The following NPAS3 variants were observed in gnomAD, a reference collection of about 807,000 sequenced individuals.
NPAS3 encodes the protein neuronal PAS domain-containing protein 3.
A neutral mutation model predicts 73.1 loss-of-function variants in NPAS3; 14 were observed. The observed-to-expected ratio is 0.19, with a 90% CI of 0.13 to 0.30. The LOEUF is 0.30. Among genes scored for constraint, NPAS3 ranks in the 10% least tolerant of loss-of-function variants. The pLI is 1.00. For missense variants in NPAS3, 1,096 were observed against 1,250.0 expected, an observed-to-expected ratio of 0.88 and a Z score of 1.86; for synonymous variants, 620 against 541.5, an observed-to-expected ratio of 1.14 and a Z score of -2.01.
At chr14:33,676,120 T>C in intron 5 of NPAS3, 91 bp from the exon 6 acceptor site, 2 of 1,306,068 alleles carry the variant, frequency 1.5e-6, no homozygotes, top group Non-Finnish European at 2.1e-6. Context: ...GTATTTTCTT[T>C]TCTACTCAGA....
chr14:33,241,324 A>AT (rs1393230795), intron 3 of NPAS3, among the ~76,000 whole-genome samples: 8 of 151,862 alleles, frequency 5.3e-5, no homozygotes, highest in Admixed American at 2.6e-4. Flanking sequence ...AATTCAACTG[A>AT]TTTTTTCTTG....
intron 3 of NPAS3, among the ~76,000 whole-genome samples, chr14:33,284,059 A>G (rs1445642611): frequency 6.6e-6 from 1 of 152,086 alleles, no homozygotes; most frequent in African/African-American, 2.4e-5. Context: ...TTGTTCAATT[A>G]TTGTATCATG....
chr14:33,746,882 T>C (rs1175952690), intron 7 of NPAS3, among the ~76,000 whole-genome samples: 1 of 150,772 alleles, frequency 6.6e-6, no homozygotes, highest in African/African-American at 2.5e-5. Context: ...CTCCCAATGC[T>C]ATCCCTCCCC....
intron 1 of NPAS3, among the ~76,000 whole-genome samples, chr14:33,018,288 C>T (rs2039465123): frequency 6.6e-6 from 1 of 152,150 alleles, no homozygotes; most frequent in Admixed American, 6.5e-5. Context: ...TCTTGTGATG[C>T]TCCAGTGGCA....
At chr14:33,242,868 A>C (rs1195806381) in intron 3 of NPAS3, among the ~76,000 whole-genome samples, 1 of 152,152 alleles carries the variant, frequency 6.6e-6, no homozygotes, top group Non-Finnish European at 1.5e-5. Context: ...CTATAGCATT[A>C]GATGATGTGG....
intron 4 of NPAS3, among the ~76,000 whole-genome samples, chr14:33,430,667 C>A (rs1043838868): frequency 6.6e-6 from 1 of 152,198 alleles, no homozygotes; most frequent in Non-Finnish European, 1.5e-5. Flanking sequence ...GGCATCAGAT[C>A]TCCTCAGACA....
intron 2 of NPAS3, among the ~76,000 whole-genome samples, chr14:33,140,265 T>TA (rs1269013996): frequency 1.3e-5 from 2 of 152,154 alleles, no homozygotes; most frequent in Non-Finnish European, 2.9e-5. Context: ...CTCAGGTGGC[T>TA]AATACATCAC....
At chr14:33,303,393 T>C (rs1258370215) in intron 3 of NPAS3, among the ~76,000 whole-genome samples, 1 of 151,958 alleles carries the variant, frequency 6.6e-6, no homozygotes, top group East Asian at 1.9e-4. Flanking sequence ...TCAATTATTA[T>C]AGAATATTTA....
At chr14:33,348,707 C>A (rs1193758966) in intron 3 of NPAS3, among the ~76,000 whole-genome samples, 1 of 152,128 alleles carries the variant, frequency 6.6e-6, no homozygotes, top group Admixed American at 6.5e-5. Context: ...TTCCTAGAGC[C>A]CAGGAGCCAT....
intron 9 of NPAS3, among the ~76,000 whole-genome samples, chr14:33,788,434 T>C (rs2063246199): frequency 6.6e-6 from 1 of 152,230 alleles, no homozygotes; most frequent in Non-Finnish European, 1.5e-5. Flanking sequence ...ATGCACCATG[T>C]CTTGCAGCTT....
At chr14:33,631,158 C>T (rs1363774838) in intron 5 of NPAS3, among the ~76,000 whole-genome samples, 1 of 152,196 alleles carries the variant, frequency 6.6e-6, no homozygotes. Flanking sequence ...TGCTTTGCTT[C>T]TCTCATTGTT....
intron 6 of NPAS3, among the ~76,000 whole-genome samples, chr14:33,690,894 C>T (rs1488155116): frequency 3.4e-5 from 5 of 145,960 alleles, no homozygotes; most frequent in African/African-American, 1.0e-4. Context: ...AAAAACGATT[C>T]GTTAAGCCTA....
intron 2 of NPAS3, among the ~76,000 whole-genome samples, chr14:33,105,176 T>G (rs111648668): frequency 2.3e-4 from 35 of 152,294 alleles, no homozygotes; most frequent in African/African-American, 8.2e-4. Flanking sequence ...GTTTGTTAAA[T>G]GCTGAGATTC....
rs1440998547 is a variant in NPAS3, at chr14:33,246,675, T to C, written c.385+31249T>C. On this transcript the variant is annotated intron_variant, in intron 3 of 11. Coordinates refer to ENST00000356141, the Ensembl canonical transcript of NPAS3. Reference sequence around the variant, plus strand: ...CTAGTCTTTGGAAGAGAATGTGTTGTTCCTAATCTAAGCTTTCCTAATGAA... The same window carrying C: ...CTAGTCTTTGGAAGAGAATGTGTTGCTCCTAATCTAAGCTTTCCTAATGAA... 3.3e-5 allele frequency among the ~76,000 whole-genome samples: 5 copies of C among 150,686 alleles called. No individual in the cohort carries two copies. The South Asian group carries it at 6.3e-4, about 19-fold the overall frequency.
At chr14:33,544,788 T>TTATATATATATATA (rs71406561) in intron 4 of NPAS3, among the ~76,000 whole-genome samples, 14 of 63,248 alleles carry the variant, frequency 2.2e-4, no homozygotes, top group African/African-American at 1.1e-3. Context: ...TGTGTGTGTA[T>TTATATATATATATA]TATATATATA....
chr14:33,110,722 A>G (rs980070622), intron 2 of NPAS3, among the ~76,000 whole-genome samples: 1 of 152,196 alleles, frequency 6.6e-6, no homozygotes, highest in Admixed American at 6.5e-5. Context: ...CCTGGGATTC[A>G]TATGTTGAAA....
chr14:33,616,091 G>T (rs1206344139), intron 5 of NPAS3, among the ~76,000 whole-genome samples: 1 of 152,070 alleles, frequency 6.6e-6, no homozygotes, highest in Non-Finnish European at 1.5e-5. Context: ...CAACCTCCTG[G>T]GATGAAGATA....
intron 4 of NPAS3, among the ~76,000 whole-genome samples, chr14:33,409,798 A>G (rs2047838374): frequency 6.6e-6 from 1 of 152,204 alleles, no homozygotes; most frequent in African/African-American, 2.4e-5. Flanking sequence ...AGTGACTACG[A>G]GAATATGGAA....
At chr14:33,538,917 A>G (rs1763546167) in intron 4 of NPAS3, among the ~76,000 whole-genome samples, 1 of 152,172 alleles carries the variant, frequency 6.6e-6, no homozygotes, top group Non-Finnish European at 1.5e-5. Flanking sequence ...GAGTCACATA[A>G]GATGATAGGA....
Sources: gnomAD v4.1 joint callset for allele counts (sites outside exome capture counted in the v4.1 genomes callset) on GRCh38, gnomAD v4.1.1 for gene constraint, MANE v1.5 for transcripts, NCBI Gene and HGNC (gene_info 2026-07-23, HGNC 2026-07-21) for gene names.